Variants in PFKFB3 observed in about 807,000 individuals in gnomAD.
PFKFB3 encodes 6-phosphofructo-2-kinase/fructose-2,6-biphosphatase 3.
PFKFB3 carries 33 observed loss-of-function variants against 68.0 expected under a neutral mutation model. The ratio of observed to expected loss-of-function variants is 0.49; its 90% CI spans 0.37 to 0.65. The LOEUF is 0.65. Ranked by LOEUF, PFKFB3 falls within the 30% of genes least tolerant of loss-of-function variation. The pLI is 0.00. For synonymous variants in PFKFB3, 315 were observed against 288.2 expected (o/e 1.09, Z -0.94); for missense variants, 586 against 712.2 (o/e 0.82, Z 2.02).
At chr10:6,301,146 G>T in the PFKFB3 span, among the ~76,000 whole-genome samples, 1 of 152,116 alleles carries the variant, frequency 6.6e-6, no homozygotes, top group Non-Finnish European at 1.5e-5. Flanking sequence ...CTATAATTTG[G>T]GGGGAGATGT....
chr10:6,311,757 A>G, the PFKFB3 span, among the ~76,000 whole-genome samples: 1 of 152,130 alleles, frequency 6.6e-6, no homozygotes, highest in African/African-American at 2.4e-5. Context: ...TCAAAAAAAA[A>G]GAAAAAAGAA....
chr10:6,148,815 T>C (rs1301256378), intron 1 of PFKFB3, among the ~76,000 whole-genome samples: 4 of 152,102 alleles, frequency 2.6e-5, no homozygotes, highest in Non-Finnish European at 5.9e-5. Flanking sequence ...TGGTGGCTCA[T>C]GCCTGTAATC....
At chr10:6,259,582 T>TCATCCATCCACTCATC (rs1564239572), downstream of PFKFB3, among the ~76,000 whole-genome samples, 1 of 134,968 alleles carries the variant, frequency 7.4e-6, no homozygotes. Flanking sequence ...ATCCATCCAC[T>TCATCCATCCACTCATC]CATCCATCCA....
At chr10:6,201,998 G>C (rs1439710657), upstream of PFKFB3, among the ~76,000 whole-genome samples, 1 of 152,332 alleles carries the variant, frequency 6.6e-6, no homozygotes, top group East Asian at 1.9e-4. This position sits in a 1 kb window ranked among gnomAD's most constrained non-coding sequence, Gnocchi z 4.1. Context: ...ATAACGGAGT[G>C]AATTTTAGGA....
intron 7 of PFKFB3, among the ~76,000 whole-genome samples, 197 bp downstream of exon 7, chr10:6,219,890 G>T (rs768381771): frequency 1.3e-5 from 2 of 151,996 alleles, no homozygotes. Flanking sequence ...ACATACAGCC[G>T]CTGGATACCT....
intron 14 of PFKFB3, among the ~76,000 whole-genome samples, chr10:6,249,927 C>T (rs985924122): frequency 1.3e-5 from 2 of 152,138 alleles, no homozygotes; most frequent in African/African-American, 2.4e-5. Flanking sequence ...TAAATCTAAA[C>T]AAGACTTTGT....
intron 1 of PFKFB3, among the ~76,000 whole-genome samples, chr10:6,176,773 A>G (rs1842486433): frequency 6.6e-6 from 1 of 152,184 alleles, no homozygotes; most frequent in South Asian, 2.1e-4. Context: ...GCTGTCTCTA[A>G]CTTGTGAGTG....
chr10:6,150,690 G>A (rs1202929916), intron 1 of PFKFB3, among the ~76,000 whole-genome samples: 3 of 151,806 alleles, frequency 2.0e-5, no homozygotes, highest in Non-Finnish European at 4.4e-5. Flanking sequence ...TTCCCCATGC[G>A]TAATTTAAAA....
At chr10:6,212,519 C>T (rs1844296715) in intron 1 of PFKFB3, among the ~76,000 whole-genome samples, 1 of 152,154 alleles carries the variant, frequency 6.6e-6, no homozygotes, top group South Asian at 2.1e-4. Flanking sequence ...AGGGCCCCAG[C>T]ATTCATCCGA....
At chr10:6,205,779 A>ATTATTTATTTAT (rs57825789) in intron 1 of PFKFB3, among the ~76,000 whole-genome samples, 1,888 of 146,268 alleles carry the variant, frequency 0.013, 25 homozygotes, top group East Asian at 0.038. Context: ...CCTGAGGTTT[A>ATTATTTATTTAT]TTATTTATTT....
chr10:6,208,952 T>A (rs1843977825), intron 1 of PFKFB3, among the ~76,000 whole-genome samples: 1 of 152,200 alleles, frequency 6.6e-6, no homozygotes, highest in African/African-American at 2.4e-5. Flanking sequence ...CAGTCTCCGT[T>A]GTACACTAAT....
intron 14 of PFKFB3, among the ~76,000 whole-genome samples, chr10:6,227,167 G>C (rs1564642102): frequency 2.6e-5 from 4 of 152,086 alleles, no homozygotes; most frequent in Admixed American, 1.3e-4. Context: ...GATTTTGGTT[G>C]TCAGACATTA....
At chr10:6,225,982 G>T (rs1845321047) in intron 13 of PFKFB3, among the ~76,000 whole-genome samples, 1 of 152,166 alleles carries the variant, frequency 6.6e-6, no homozygotes, top group Non-Finnish European at 1.5e-5. Context: ...CGAGGAAGGG[G>T]GCATGGGAGG....
At chr10:6,170,419 A>G (rs1457724364) in intron 1 of PFKFB3, among the ~76,000 whole-genome samples, 1 of 152,216 alleles carries the variant, frequency 6.6e-6, no homozygotes, top group Non-Finnish European at 1.5e-5. Flanking sequence ...GAAGACGAAA[A>G]TATAAACTGG....
chr10:6,180,854 G>T (rs1295927862), intron 1 of PFKFB3, among the ~76,000 whole-genome samples: 2 of 152,170 alleles, frequency 1.3e-5, no homozygotes, highest in African/African-American at 4.8e-5. Flanking sequence ...TCTACTCTGT[G>T]TGTTAGTTCT....
Position 6,154,137 on chromosome 10 carries a change from AG to A in PFKFB3, c.16+9127del, listed in dbSNP as rs1474730514. 6.6e-6 allele frequency among the ~76,000 whole-genome samples: 1 copy of A among 152,102 alleles called. No individual in the cohort carries two copies. Among genetic ancestry groups the A allele is most frequent in the Non-Finnish European group, 1.5e-5 (1 of 68,008 alleles). ...AAGCCAGGTGGACACAGGCTTAGGA[AG>A]GGAGTGGCGGCTCAGCACGTCCTCA... On this transcript the variant is annotated intron_variant, in intron 1 of 14. Transcript: ENST00000379789. The surrounding 1 kb of genome is among the most constrained non-coding windows in gnomAD (Gnocchi z 4.6).
At chr10:6,273,440 C>G in the PFKFB3 span, among the ~76,000 whole-genome samples, 2 of 152,064 alleles carry the variant, frequency 1.3e-5, no homozygotes, top group South Asian at 4.2e-4. Context: ...ATCGCACGGC[C>G]CTTTACAGTG....
In PFKFB3 at chr10:6,220,646, G is replaced by A. The variant is rs1564633261; in HGVS notation, c.624-12G>A. 6.2e-7 allele frequency: 1 copy of A among 1,612,360 alleles called. No homozygotes were observed. Among genetic ancestry groups the A allele is most frequent in the Admixed American group, 1.7e-5 (1 of 59,958 alleles). On this transcript the variant is annotated splice_polypyrimidine_tract_variant and intron_variant, in intron 7 of 14. Transcript: ENST00000379775. The surrounding 1 kb of genome is among the most constrained non-coding windows in gnomAD (Gnocchi z 4.1). ...GGCCTGAGCTGTGGTTCTCGGTGGGGTCTCTCTGCAGGGACTTGTCGCTGA... is the reference window on the plus strand; with the variant it reads ...GGCCTGAGCTGTGGTTCTCGGTGGGATCTCTCTGCAGGGACTTGTCGCTGA...
chr10:6,219,228 G>A lies in PFKFB3; in HGVS notation c.499-341G>A, dbSNP rs541255845. Among the ~76,000 whole-genome samples, 378 of 152,364 alleles carry A rather than the reference G, an allele frequency of 2.5e-3. 2 individuals are homozygous for A. Among genetic ancestry groups the A allele is most frequent in the Middle Eastern group, 3.4e-3 (1 of 294 alleles). On this transcript the variant is annotated intron_variant, in intron 6 of 14. Coordinates refer to ENST00000379775, the MANE Select transcript of PFKFB3 (RefSeq NM_004566.4). ...GGAGCATTGCGGATCCTCACGTGGAGCTCGGTTGAGTTCAGCGCCAGGCTG... is the reference window on the plus strand; with the variant it reads ...GGAGCATTGCGGATCCTCACGTGGAACTCGGTTGAGTTCAGCGCCAGGCTG...
Sources: allele counts gnomAD v4.1 joint callset (sites outside exome capture counted in the v4.1 genomes callset), GRCh38; gene constraint gnomAD v4.1.1; non-coding constraint Gnocchi (gnomAD v3.1); transcripts MANE v1.5; gene names NCBI Gene and HGNC (gene_info 2026-07-23, HGNC 2026-07-21).